The following PDE10A variants were observed in gnomAD, a reference collection of about 807,000 sequenced individuals.
The protein encoded by PDE10A is phosphodiesterase 10A.
A neutral mutation model predicts 97.7 loss-of-function variants in PDE10A; 39 were observed. The ratio of observed to expected loss-of-function variants is 0.40; its 90% CI spans 0.31 to 0.52. PDE10A has a LOEUF of 0.52. PDE10A is among the 20% of genes least tolerant of loss of function. PDE10A has a pLI of 0.56. For missense variants in PDE10A, 731 were observed against 1,047.8 expected, an observed-to-expected ratio of 0.70 and a Z score of 4.17; for synonymous variants, 371 against 376.8, an observed-to-expected ratio of 0.98 and a Z score of 0.18.
rs1301685934 is a variant in PDE10A at position 165,655,153 on chromosome 6, G to A, written c.865+6794C>T. Among the ~76,000 whole-genome samples, 8 of 152,098 alleles carry A rather than the reference G, an allele frequency of 5.3e-5. No individual in the cohort carries two copies. The highest frequency in any genetic ancestry group is 3.9e-4 in the Admixed American group (6 of 15,270). On this transcript the variant is annotated intron_variant, in intron 1 of 21. Transcript: ENST00000539869. The surrounding 1 kb of genome is among the most constrained non-coding windows in gnomAD (Gnocchi z 4.5). ...CAGCTATGGTTGATTAACCAACTCC[G>A]TCTGTATTTCCCTCAGAGTCAAAAT... is the stretch of plus-strand genomic sequence containing the variant.
At chr6:165,942,908 G>C (rs926745306) in intron 1 of PDE10A, among the ~76,000 whole-genome samples, 10 of 151,988 alleles carry the variant, frequency 6.6e-5, no homozygotes, top group Non-Finnish European at 2.9e-5. Flanking sequence ...GGAACAATTT[G>C]AGTGTCATGT....
intron 1 of PDE10A, among the ~76,000 whole-genome samples, chr6:165,679,472 G>A (rs760202077): frequency 3.3e-5 from 5 of 152,152 alleles, no homozygotes; most frequent in African/African-American, 7.2e-5. Context: ...CTCACCGGCC[G>A]CTACCTCCCA....
intron 1 of PDE10A, among the ~76,000 whole-genome samples, chr6:165,828,784 C>T (rs1779829674): frequency 6.6e-6 from 1 of 152,160 alleles, no homozygotes; most frequent in South Asian, 2.1e-4. Context: ...TGTGCCCCCA[C>T]CCTAAATGTC....
intron 1 of PDE10A, chr6:165,775,085 G>C (rs1381389024): frequency 6.6e-6 from 1 of 152,042 alleles, no homozygotes; most frequent in Non-Finnish European, 1.5e-5. Flanking sequence ...CTCATCACTG[G>C]CCCTCTTCAG....
chr6:165,857,388 CA>C (rs1780767021), intron 1 of PDE10A, among the ~76,000 whole-genome samples: 1 of 152,238 alleles, frequency 6.6e-6, no homozygotes, highest in Non-Finnish European at 1.5e-5. Context: ...CCACAATGCT[CA>C]GATTCTTCTG....
rs1160657794 is a variant in PDE10A at position 165,671,779 on chromosome 6, A to G, written c.-614-128211T>C. 1.3e-5 allele frequency among the ~76,000 whole-genome samples: 2 copies of G among 152,080 alleles called. No individual in the cohort carries two copies. The highest frequency in any genetic ancestry group is 2.1e-4 in the South Asian group (1 of 4,816). Reference sequence around the variant, plus strand: ...CATATATACAGTGTGTGTGTGCTTTATTCTCTAAGGCAGGATGTTTATATT... The same window carrying G: ...CATATATACAGTGTGTGTGTGCTTTGTTCTCTAAGGCAGGATGTTTATATT... On this transcript the variant is annotated intron_variant, in intron 1 of 19. Coordinates refer to the PDE10A transcript ENST00000366882. The surrounding 1 kb of genome is among the most constrained non-coding windows in gnomAD (Gnocchi z 4.6).
chr6:165,407,870 T>C (rs899231175), intron 13 of PDE10A, among the ~76,000 whole-genome samples: 4 of 152,228 alleles, frequency 2.6e-5, no homozygotes, highest in Admixed American at 2.0e-4. Flanking sequence ...TTTCTGTTGA[T>C]AGTACTTCCC....
intron 1 of PDE10A, among the ~76,000 whole-genome samples, chr6:165,580,723 T>C (rs528510588): frequency 7.9e-5 from 12 of 152,022 alleles, no homozygotes; most frequent in Non-Finnish European, 1.6e-4. Flanking sequence ...AGATGGTAAG[T>C]GTCCTACCCA....
At chr6:165,461,180 T>C (rs1778306149) in intron 3 of PDE10A, among the ~76,000 whole-genome samples, 1 of 152,230 alleles carries the variant, frequency 6.6e-6, no homozygotes, top group African/African-American at 2.4e-5. Flanking sequence ...GAGCTATCAA[T>C]TCAGTTATAC....
At chr6:165,605,577 T>C (rs12192105) in intron 1 of PDE10A, among the ~76,000 whole-genome samples, 18,557 of 152,100 alleles carry the variant, frequency 0.12, 1,173 homozygotes, top group Non-Finnish European at 0.14. Context: ...ATATAACTTT[T>C]CTGCTCCTTT....
intron 17 of PDE10A, among the ~76,000 whole-genome samples, chr6:165,387,145 G>A (rs547621263): frequency 6.6e-6 from 1 of 152,288 alleles, no homozygotes. Context: ...TTGCTTTCAC[G>A]ACCAAACTGA....
intron 1 of PDE10A, among the ~76,000 whole-genome samples, chr6:165,823,398 G>A (rs1344509271): frequency 6.8e-6 from 1 of 147,678 alleles, no homozygotes; most frequent in African/African-American, 2.5e-5. Context: ...GGTCTTCAGG[G>A]ACAATGACAT....
At chr6:165,416,905 GT>G (rs1788357818) in intron 11 of PDE10A, among the ~76,000 whole-genome samples, 1 of 152,052 alleles carries the variant, frequency 6.6e-6, no homozygotes, top group Non-Finnish European at 1.5e-5. Context: ...AGGATTGTCT[GT>G]TTTTTATATC....
intron 3 of PDE10A, among the ~76,000 whole-genome samples, chr6:165,468,747 G>C (rs1337723978): frequency 6.6e-6 from 1 of 152,184 alleles, no homozygotes; most frequent in Admixed American, 6.5e-5. Context: ...TGATGCCTTT[G>C]TTGCCATCTT....
intron 1 of PDE10A, among the ~76,000 whole-genome samples, chr6:165,656,112 T>C (rs1562663946): frequency 6.6e-6 from 1 of 151,936 alleles, no homozygotes; most frequent in Non-Finnish European, 1.5e-5. Flanking sequence ...GTGGGCACCA[T>C]ACAAGCAGAG....
chr6:165,975,420 C>T (rs752255006), intron 1 of PDE10A, among the ~76,000 whole-genome samples: 13 of 152,286 alleles, frequency 8.5e-5, no homozygotes, highest in Admixed American at 1.3e-4. Context: ...GCCTGGGCAA[C>T]ATAGCGAGAC....
intron 2 of PDE10A, among the ~76,000 whole-genome samples, chr6:165,519,324 G>A (rs1360825682): frequency 6.6e-6 from 1 of 152,040 alleles, no homozygotes; most frequent in African/African-American, 2.4e-5. Flanking sequence ...ATCTAAAAGA[G>A]TTAGAATCTT....
rs531605458 is a variant in PDE10A, at chr6:165,981,564, G to A, written c.-615+5965C>T. On this transcript the variant is annotated intron_variant, in intron 1 of 19. Coordinates refer to the PDE10A transcript ENST00000366882. ...AAGATGAGTGAGGACTGAGGCCTCTGTTCCATTCTGCAGGCTTCATTCTTG... is the reference window on the plus strand; with the variant it reads ...AAGATGAGTGAGGACTGAGGCCTCTATTCCATTCTGCAGGCTTCATTCTTG... 3.3e-5 allele frequency among the ~76,000 whole-genome samples: 5 copies of A among 152,320 alleles called. No individual in the cohort carries two copies. The South Asian group carries it at 1.0e-3, about 32-fold the overall frequency.
chr6:165,564,484 T>C (rs1223002848), intron 1 of PDE10A, among the ~76,000 whole-genome samples: 1 of 152,198 alleles, frequency 6.6e-6, no homozygotes, highest in Non-Finnish European at 1.5e-5. Flanking sequence ...AATCTTGCAT[T>C]AAGCCAATTC....
Sources: allele counts gnomAD v4.1 joint callset (sites outside exome capture counted in the v4.1 genomes callset), GRCh38; gene constraint gnomAD v4.1.1; non-coding constraint Gnocchi (gnomAD v3.1); transcripts MANE v1.5; gene names NCBI Gene and HGNC (gene_info 2026-07-23, HGNC 2026-07-21).